Variants in CADPS2 observed in about 807,000 individuals in gnomAD.
CADPS2 encodes the protein calcium-dependent secretion activator 2.
A neutral mutation model predicts 172.5 loss-of-function variants in CADPS2; 93 were observed. The observed-to-expected ratio is 0.54, with a 90% CI of 0.46 to 0.64. The LOEUF is 0.64. CADPS2 is among the 30% of genes least tolerant of loss of function. CADPS2 has a pLI of 0.00. For synonymous variants in CADPS2, 546 were observed against 555.2 expected (o/e 0.98, Z 0.23); for missense variants, 1,420 against 1,565.9 (o/e 0.91, Z 1.57).
chr7:122,638,774 T>C (rs1298988258), intron 3 of CADPS2, among the ~76,000 whole-genome samples: 2 of 152,238 alleles, frequency 1.3e-5, no homozygotes, highest in Non-Finnish European at 2.9e-5. Context: ...GCTTCTCCTG[T>C]CTTCATGCTG....
intron 14 of CADPS2, among the ~76,000 whole-genome samples, chr7:122,467,247 T>C (rs1370910667): frequency 6.6e-6 from 1 of 152,190 alleles, no homozygotes; most frequent in South Asian, 2.1e-4. Context: ...ATTTACAACG[T>C]GTGTGTCATT....
At chr7:122,600,939 C>G (rs1750786330) in intron 6 of CADPS2, among the ~76,000 whole-genome samples, 1 of 152,004 alleles carries the variant, frequency 6.6e-6, no homozygotes. Context: ...AGTTATTTAA[C>G]ATTAATGTAG....
At chr7:122,785,508 G>C (rs1035407446) in intron 1 of CADPS2, among the ~76,000 whole-genome samples, 6 of 152,112 alleles carry the variant, frequency 3.9e-5, no homozygotes, top group East Asian at 3.9e-4. Context: ...GGTGAATTTT[G>C]AACTAGAGCC....
chr7:122,519,029 T>G (rs921619740), intron 8 of CADPS2, among the ~76,000 whole-genome samples: 1 of 151,864 alleles, frequency 6.6e-6, no homozygotes, highest in Non-Finnish European at 1.5e-5. Flanking sequence ...AACACAAATA[T>G]CATCAGTTTT....
intron 27 of CADPS2, among the ~76,000 whole-genome samples, chr7:122,345,918 C>CTTTTTTTTTTTTTT (rs71159791): frequency 5.0e-5 from 7 of 138,754 alleles, no homozygotes; most frequent in Non-Finnish European, 6.1e-5. Context: ...CCGTAGATAT[C>CTTTTTTTTTTTTTT]TTTTTTTTTT....
intron 2 of CADPS2, among the ~76,000 whole-genome samples, chr7:122,722,040 C>A (rs568367893): frequency 6.6e-5 from 10 of 152,238 alleles, no homozygotes; most frequent in African/African-American, 2.4e-4. Context: ...TGGGACATAT[C>A]TCAAAAGAAT....
intron 2 of CADPS2, among the ~76,000 whole-genome samples, chr7:122,729,153 C>A (rs2091399640): frequency 1.3e-5 from 2 of 151,918 alleles, no homozygotes; most frequent in Admixed American, 6.6e-5. Flanking sequence ...TCACTTAACA[C>A]AATGACCTCC....
At chr7:122,704,337 G>C (rs919383567) in intron 2 of CADPS2, among the ~76,000 whole-genome samples, 1 of 151,442 alleles carries the variant, frequency 6.6e-6, no homozygotes, top group African/African-American at 2.4e-5. Flanking sequence ...CACCTGAACT[G>C]TCCTTACAGG....
chr7:122,819,107 C>A (rs1483440547), intron 1 of CADPS2, among the ~76,000 whole-genome samples: 1 of 152,322 alleles, frequency 6.6e-6, no homozygotes, highest in Non-Finnish European at 1.5e-5. Context: ...ACCCCAGCCA[C>A]ATCTCCAGCA....
At chr7:122,520,531 CT>C (rs2060704388) in intron 8 of CADPS2, among the ~76,000 whole-genome samples, 1 of 151,956 alleles carries the variant, frequency 6.6e-6, no homozygotes, top group African/African-American at 2.4e-5. Context: ...TGAGATTTAA[CT>C]CATCTTCATA....
intron 9 of CADPS2, among the ~76,000 whole-genome samples, chr7:122,499,442 T>G (rs1205439349): frequency 2.0e-5 from 3 of 152,324 alleles, no homozygotes; most frequent in East Asian, 3.9e-4. Flanking sequence ...GTTTTTCTTT[T>G]TTTTCCTTCA....
At chr7:122,471,329 A>G (rs558225392) in intron 14 of CADPS2, 46 bp downstream of exon 14, 1 of 1,485,928 alleles carries the variant, frequency 6.7e-7, no homozygotes. Context: ...TCTCTTTTCC[A>G]TAGTCAACCC....
At chr7:122,422,637 A>G (rs983606247) in intron 17 of CADPS2, among the ~76,000 whole-genome samples, 1 of 152,160 alleles carries the variant, frequency 6.6e-6, no homozygotes, top group Non-Finnish European at 1.5e-5. Flanking sequence ...CATCAATGTT[A>G]GATGCCTTCT....
At chr7:122,627,488 T>C (rs768407787) in intron 4 of CADPS2, among the ~76,000 whole-genome samples, 20 of 152,322 alleles carry the variant, frequency 1.3e-4, no homozygotes, top group Non-Finnish European at 2.4e-4. Flanking sequence ...TCAACATCTC[T>C]GATGAAACCA....
intron 1 of CADPS2, among the ~76,000 whole-genome samples, chr7:122,819,226 TG>T (rs1445288751): frequency 6.6e-6 from 1 of 152,148 alleles, no homozygotes; most frequent in Non-Finnish European, 1.5e-5. Flanking sequence ...GGCCAAGGAA[TG>T]CCCGCAGCCC....
At chr7:122,474,273 T>C in intron 13 of CADPS2, 108 bp downstream of exon 13, 1 of 1,182,320 alleles carries the variant, frequency 8.5e-7, no homozygotes, top group Non-Finnish European at 1.2e-6. Flanking sequence ...AATAAAATGC[T>C]GGTTTATAAC....
intron 1 of CADPS2, among the ~76,000 whole-genome samples, chr7:122,880,877 G>A (rs1018465068): frequency 2.0e-5 from 3 of 152,134 alleles, no homozygotes; most frequent in Non-Finnish European, 4.4e-5. Flanking sequence ...TAGAAAATAT[G>A]CCATTTGTCC....
At chr7:122,778,874 A>C (rs2093962250) in intron 1 of CADPS2, among the ~76,000 whole-genome samples, 1 of 152,224 alleles carries the variant, frequency 6.6e-6, no homozygotes, top group Non-Finnish European at 1.5e-5. Flanking sequence ...GGAATGATAC[A>C]GTTTGGCTGT....
intron 1 of CADPS2, among the ~76,000 whole-genome samples, chr7:122,741,956 C>T (rs1235087225): frequency 6.6e-6 from 1 of 152,092 alleles, no homozygotes; most frequent in Non-Finnish European, 1.5e-5. Flanking sequence ...CTCCAATATC[C>T]TGGGTACTCT....
Sources: allele counts gnomAD v4.1 joint callset (sites outside exome capture counted in the v4.1 genomes callset), GRCh38; gene constraint gnomAD v4.1.1; transcripts MANE v1.5; gene names NCBI Gene and HGNC (gene_info 2026-07-23, HGNC 2026-07-21).